MTFR2: variants seen among roughly 807,000 people sequenced by gnomAD.
The protein encoded by MTFR2 is mitochondrial fission regulator 2, also known as DUF729 domain-containing protein 1.
MTFR2 carries 44 observed loss-of-function variants against 41.2 expected under a neutral mutation model. The ratio of observed to expected loss-of-function variants is 1.07; its 90% CI spans 0.84 to 1.37. The LOEUF is 1.37. Among genes scored for constraint, MTFR2 ranks in the 40% most tolerant of loss-of-function variants. The pLI, the probability that MTFR2 is intolerant of heterozygous loss-of-function variation, is 0.00. For synonymous variants in MTFR2, 141 were observed against 154.6 expected, an observed-to-expected ratio of 0.91 and a Z score of 0.65; for missense variants, 452 against 459.5, an observed-to-expected ratio of 0.98 and a Z score of 0.15.
At position 136,241,633 on chromosome 6, in the gene MTFR2, GA is replaced by G. The variant is rs1478173683; in HGVS notation, c.324del (p.His109IlefsTer5). ...GGATCCCGAACTAGTCGCAAAGGAT[GA>G]AAAATTTCCACTTTCTCTTCTTCAT... ...WKNEEEKVEI[F>X]HPLRLVRDPL... On this transcript the variant is annotated frameshift_variant, in exon 5 of 8. Transcript: ENST00000420702. LOFTEE classifies it high-confidence loss of function. 40 of 1,612,770 alleles carry G rather than the reference GA, an allele frequency of 2.5e-5. No homozygotes were observed. The highest frequency in any genetic ancestry group is 3.0e-5 in the Non-Finnish European group (35 of 1,179,756).
intron 7 of MTFR2, among the ~76,000 whole-genome samples, chr6:136,231,668 G>GAAAAAAAAAA (rs1779760383): frequency 2.2e-5 from 1 of 44,702 alleles, no homozygotes; most frequent in African/African-American, 1.9e-4. Context: ...TAAAAACTAT[G>GAAAAAAAAAA]TAAAAAAAAA....
intron 5 of MTFR2, among the ~76,000 whole-genome samples, chr6:136,240,876 G>T (rs1359580617): frequency 6.6e-6 from 1 of 152,180 alleles, no homozygotes; most frequent in Admixed American, 6.5e-5. Context: ...CAGATCACGA[G>T]GTCAGGAGAT....
chr6:136,243,484 A>T (rs776305597), intron 3 of MTFR2, among the ~76,000 whole-genome samples: 4 of 152,010 alleles, frequency 2.6e-5, no homozygotes, highest in Non-Finnish European at 4.4e-5. Flanking sequence ...AGGCAGGAGG[A>T]TCAATTAAGG....
intron 7 of MTFR2, 81 bp from the exon 8 acceptor site, chr6:136,231,469 C>A (rs1405386534): frequency 2.6e-5 from 21 of 800,546 alleles, no homozygotes; most frequent in Non-Finnish European, 4.0e-5. Flanking sequence ...GGCCAGATGA[C>A]CCTCTGAGGT....
At chr6:136,235,717 C>T (rs551366769) in intron 6 of MTFR2, among the ~76,000 whole-genome samples, 3 of 152,168 alleles carry the variant, frequency 2.0e-5, no homozygotes, top group Admixed American at 2.0e-4. Flanking sequence ...TCGGATCATG[C>T]GGTCAAGAGA....
At chr6:136,231,669 T>TAAAAAAAAAAAAAAAAAAA (rs71006791) in intron 7 of MTFR2, among the ~76,000 whole-genome samples, 23 of 82,906 alleles carry the variant, frequency 2.8e-4, no homozygotes, top group African/African-American at 9.4e-4. Flanking sequence ...AAAAACTATG[T>TAAAAAAAAAAAAAAAAAAA]AAAAAAAAAA....
chr6:136,233,542 G>A, intron 6 of MTFR2, 43 bp from the exon 7 acceptor site: 1 of 1,407,022 alleles, frequency 7.1e-7, no homozygotes, highest in Non-Finnish European at 9.4e-7. Flanking sequence ...AAACTTGGAT[G>A]TAATTTTAGC....
intron 7 of MTFR2, 116 bp downstream of exon 7, chr6:136,233,209 A>G: frequency 1.3e-6 from 1 of 781,206 alleles, no homozygotes; most frequent in East Asian, 2.8e-5. Context: ...GCATCAATAA[A>G]CAATTATATA....
intron 1 of MTFR2, 62 bp from the exon 2 acceptor site, chr6:136,249,215 A>G: frequency 1.4e-6 from 1 of 711,880 alleles, no homozygotes; most frequent in East Asian, 3.2e-5. Context: ...GTACTACATA[A>G]CCTGGAAAAG....
At chr6:136,232,660 C>T (rs767298117) in intron 7 of MTFR2, among the ~76,000 whole-genome samples, 3 of 152,198 alleles carry the variant, frequency 2.0e-5, no homozygotes, top group Non-Finnish European at 4.4e-5. Context: ...TCCTCTTCCA[C>T]ACTCCTGTCA....
intron 2 of MTFR2, among the ~76,000 whole-genome samples, chr6:136,246,962 C>G (rs574950730): frequency 6.6e-6 from 1 of 152,350 alleles, no homozygotes; most frequent in East Asian, 1.9e-4. Context: ...CACTTCATTA[C>G]CTGCAAGTGA....
In MTFR2 at chr6:136,239,526, A is replaced by G; in HGVS notation, c.809T>C (p.Ile270Thr). 1 of 1,614,144 alleles carries G rather than the reference A, an allele frequency of 6.2e-7. No individual in the cohort carries two copies. The highest frequency in any genetic ancestry group is 8.5e-7 in the Non-Finnish European group (1 of 1,180,010). Residue 270 changes from isoleucine (I) to threonine (T), a missense_variant, in exon 6 of 8, where the codon ATT (isoleucine) becomes ACT (threonine). Coordinates refer to ENST00000420702, the MANE Select transcript of MTFR2 (RefSeq NM_001099286.3). ...HHSKSQRNKD[I>T]PNMLDVLKDM... ...CTTTAGAACGTCCAACATGTTTGGA[A>G]TATCTTTATTTCTCTGGCTTTTTGA...
intron 2 of MTFR2, chr6:136,247,388 C>A: frequency 2.6e-6 from 1 of 389,668 alleles, no homozygotes; most frequent in Non-Finnish European, 5.0e-6. Flanking sequence ...CTCTCACTTT[C>A]ATTCTGTTCT....
At chr6:136,237,954 T>C (rs1583963334) in intron 6 of MTFR2, among the ~76,000 whole-genome samples, 1 of 152,250 alleles carries the variant, frequency 6.6e-6, no homozygotes. Flanking sequence ...GGGGCAAGAA[T>C]GCTCAAGAGG....
At chr6:136,234,710 A>G (rs1057423181) in intron 6 of MTFR2, among the ~76,000 whole-genome samples, 1 of 152,224 alleles carries the variant, frequency 6.6e-6, no homozygotes, top group African/African-American at 2.4e-5. Flanking sequence ...CTATCTGCAG[A>G]ATAAATAAGG....
chr6:136,239,927 G>A (rs555437947), intron 5 of MTFR2, 107 bp from the exon 6 acceptor site: 1 of 823,584 alleles, frequency 1.2e-6, no homozygotes, highest in Admixed American at 3.0e-5. Context: ...TGTAATGCTA[G>A]TAGCGATATG....
At chr6:136,237,650 A>G (rs1386968498) in intron 6 of MTFR2, among the ~76,000 whole-genome samples, 1 of 151,870 alleles carries the variant, frequency 6.6e-6, no homozygotes, top group Non-Finnish European at 1.5e-5. Context: ...TCTCTACTAA[A>G]ACTACAAAAA....
At chr6:136,243,114 G>A in intron 3 of MTFR2, 141 bp from the exon 4 acceptor site, 2 of 508,902 alleles carry the variant, frequency 3.9e-6, no homozygotes, top group Non-Finnish European at 6.6e-6. Flanking sequence ...GTACCTGTTA[G>A]CACGAAAGAA....
At chr6:136,237,916 G>A (rs1779951585) in intron 6 of MTFR2, among the ~76,000 whole-genome samples, 1 of 152,116 alleles carries the variant, frequency 6.6e-6, no homozygotes, top group Non-Finnish European at 1.5e-5. Context: ...TGACATTTAG[G>A]AAATCAGTGA....
Sources: allele counts gnomAD v4.1 joint callset (sites outside exome capture counted in the v4.1 genomes callset), GRCh38; gene constraint gnomAD v4.1.1; transcripts MANE v1.5; gene names NCBI Gene and HGNC (gene_info 2026-07-23, HGNC 2026-07-21).